Variants in MCUB observed in about 807,000 individuals in gnomAD.
The protein encoded by MCUB is calcium uniporter regulatory subunit MCUb, mitochondrial.
A neutral mutation model predicts 41.4 loss-of-function variants in MCUB; 46 were observed. The observed-to-expected ratio is 1.11, with a 90% CI of 0.88 to 1.42. The LOEUF is 1.42. Among genes scored for constraint, MCUB ranks in the 40% most tolerant of loss-of-function variants. The pLI is 0.00. For missense variants in MCUB, 403 were observed against 404.9 expected, an observed-to-expected ratio of 1.00 and a Z score of 0.04; for synonymous variants, 148 against 148.2, an observed-to-expected ratio of 1.00 and a Z score of 0.01.
chr4:109,607,064 A>T (rs1727892515), intron 1 of MCUB, among the ~76,000 whole-genome samples: 1 of 151,470 alleles, frequency 6.6e-6, no homozygotes, highest in African/African-American at 2.4e-5. Context: ...ATTATTTTTT[A>T]TTGGTTCATC....
chr4:109,579,255 CT>C (rs34828788), intron 1 of MCUB, among the ~76,000 whole-genome samples: 89 of 147,276 alleles, frequency 6.0e-4, no homozygotes, highest in African/African-American at 1.4e-3. Context: ...TTAAACCTCA[CT>C]TTTTTTTTTT....
intron 1 of MCUB, among the ~76,000 whole-genome samples, chr4:109,610,965 G>A (rs1216048550): frequency 6.6e-6 from 1 of 152,154 alleles, no homozygotes; most frequent in Non-Finnish European, 1.5e-5. Context: ...TGGAAATTTT[G>A]TATGTGGGTG....
At chr4:109,648,508 C>G (rs977673886) in intron 1 of MCUB, 1 of 360,888 alleles carries the variant, frequency 2.8e-6, no homozygotes, top group Non-Finnish European at 5.3e-6. Flanking sequence ...AACTACTCGT[C>G]TTGGGCTGTC....
intron 1 of MCUB, among the ~76,000 whole-genome samples, chr4:109,634,804 C>G (rs567772927): frequency 6.6e-6 from 1 of 152,092 alleles, no homozygotes; most frequent in Non-Finnish European, 1.5e-5. Flanking sequence ...ATTTTTAAAG[C>G]AGCTCTTTTT....
At chr4:109,571,730 C>T (rs1726921803) in intron 1 of MCUB, among the ~76,000 whole-genome samples, 1 of 152,254 alleles carries the variant, frequency 6.6e-6, no homozygotes, top group African/African-American at 2.4e-5. Flanking sequence ...GTTCCTTTGT[C>T]ATCTCTACAT....
intron 4 of MCUB, among the ~76,000 whole-genome samples, chr4:109,670,812 T>G (rs1432703187): frequency 6.6e-6 from 1 of 151,946 alleles, no homozygotes; most frequent in Non-Finnish European, 1.5e-5. Context: ...GAGGAGGAGA[T>G]TTTTCTTCAG....
chr4:109,609,621 T>A (rs1409835201), intron 1 of MCUB, among the ~76,000 whole-genome samples: 1 of 152,106 alleles, frequency 6.6e-6, no homozygotes, highest in Non-Finnish European at 1.5e-5. Flanking sequence ...TCAGCCTTAT[T>A]TTACCCAGTC....
intron 1 of MCUB, among the ~76,000 whole-genome samples, chr4:109,638,473 C>G (rs780592563): frequency 4.0e-5 from 6 of 150,064 alleles, no homozygotes; most frequent in Non-Finnish European, 5.9e-5. Context: ...TAGCAATCAT[C>G]TGAGCCTTCA....
At chr4:109,642,361 AC>A (rs762901918) in intron 1 of MCUB, among the ~76,000 whole-genome samples, 35 of 152,222 alleles carry the variant, frequency 2.3e-4, no homozygotes, top group Non-Finnish European at 4.7e-4. Context: ...AAATCGTAGC[AC>A]CATATTATTT....
intron 4 of MCUB, chr4:109,673,824 G>A: frequency 2.8e-6 from 2 of 722,568 alleles, no homozygotes; most frequent in Non-Finnish European, 5.1e-6. Context: ...GCTCTAGGGA[G>A]ATTCTTCAAG....
intron 1 of MCUB, among the ~76,000 whole-genome samples, chr4:109,598,876 T>C (rs1727657093): frequency 6.6e-6 from 1 of 152,202 alleles, no homozygotes; most frequent in South Asian, 2.1e-4. Context: ...AATATATCCA[T>C]AGACCAATAT....
intron 1 of MCUB, among the ~76,000 whole-genome samples, chr4:109,579,414 TA>T (rs1250970136): frequency 7.2e-5 from 11 of 152,148 alleles, no homozygotes; most frequent in Admixed American, 7.2e-4. Flanking sequence ...CACGCCCAGC[TA>T]ATTTTTGTAT....
intron 1 of MCUB, among the ~76,000 whole-genome samples, chr4:109,653,381 GAA>G (rs553404252): frequency 7.5e-6 from 1 of 133,204 alleles, no homozygotes; most frequent in Non-Finnish European, 1.6e-5. Flanking sequence ...CCCGTCTTAA[GAA>G]AAAAAAAAAA....
intron 1 of MCUB, among the ~76,000 whole-genome samples, chr4:109,658,322 A>C (rs1729150166): frequency 6.7e-6 from 1 of 150,094 alleles, no homozygotes; most frequent in Non-Finnish European, 1.5e-5. Flanking sequence ...TTTAAGACAG[A>C]GTTTTGCTCT....
At chr4:109,668,820 C>T (rs993124272) in intron 4 of MCUB, among the ~76,000 whole-genome samples, 9 of 151,404 alleles carry the variant, frequency 5.9e-5, no homozygotes, top group South Asian at 4.2e-4. Context: ...CTTTTTTTAG[C>T]GGTTGCCTAA....
chr4:109,571,219 CTG>C (rs1369875223), intron 1 of MCUB, among the ~76,000 whole-genome samples: 1 of 152,146 alleles, frequency 6.6e-6, no homozygotes, highest in East Asian at 1.9e-4. Flanking sequence ...CTTCCCCAAA[CTG>C]TTTTTTTAAG....
chr4:109,621,891 T>G (rs1728257722), intron 1 of MCUB, among the ~76,000 whole-genome samples: 1 of 152,164 alleles, frequency 6.6e-6, no homozygotes, highest in African/African-American at 2.4e-5. Flanking sequence ...TTTTATTATT[T>G]TATTTTTTGA....
At chr4:109,672,541 G>T (rs1428478531) in intron 4 of MCUB, among the ~76,000 whole-genome samples, 1 of 152,154 alleles carries the variant, frequency 6.6e-6, no homozygotes, top group Non-Finnish European at 1.5e-5. Context: ...AAATTCATAA[G>T]TCTATGCCTT....
intron 1 of MCUB, among the ~76,000 whole-genome samples, chr4:109,621,324 T>C (rs905051093): frequency 2.0e-5 from 3 of 152,170 alleles, no homozygotes; most frequent in Non-Finnish European, 2.9e-5. Context: ...GGAGTAATGA[T>C]TAAGATACTA....
Sources: allele counts gnomAD v4.1 joint callset (sites outside exome capture counted in the v4.1 genomes callset), GRCh38; gene constraint gnomAD v4.1.1; transcripts MANE v1.5; gene names NCBI Gene and HGNC (gene_info 2026-07-23, HGNC 2026-07-21).